Variants in ZDHHC16 observed in about 807,000 individuals in gnomAD.
The protein encoded by ZDHHC16 is zDHHC palmitoyltransferase 16.
Under a neutral mutation model 54.4 loss-of-function variants are expected in ZDHHC16, and 33 were observed. That is an observed-to-expected ratio of 0.61 (90% CI 0.46 to 0.81). ZDHHC16 has a LOEUF of 0.81. Ranked by LOEUF, ZDHHC16 falls within the 30% of genes least tolerant of loss-of-function variation. ZDHHC16 has a pLI of 0.00. For synonymous variants in ZDHHC16, 185 were observed against 182.1 expected, an observed-to-expected ratio of 1.02 and a Z score of -0.13; for missense variants, 420 against 485.9, an observed-to-expected ratio of 0.86 and a Z score of 1.28.
At position 97,452,468 on chromosome 10, in the gene ZDHHC16, G is replaced by A. The variant is rs199978864; in HGVS notation, c.492G>A (p.Lys164=). The A allele has an allele frequency of 3.8e-5, 62 of 1,614,074 alleles. No individual in the cohort carries two copies. The highest frequency in any genetic ancestry group is 5.0e-5 in the Non-Finnish European group (59 of 1,180,026). Residue 164 remains lysine (K), a synonymous_variant, in exon 5 of 12, where the codon AAG becomes AAA. Coordinates refer to ENST00000393760, the MANE Select transcript of ZDHHC16 (RefSeq NM_198046.3). Reference sequence around the variant, plus strand: ...TCTGTAAGAAGTGCATTTACCCCAAGCCAGCCCGAACACACCACTGCAGCA... The same window carrying A: ...TCTGTAAGAAGTGCATTTACCCCAAACCAGCCCGAACACACCACTGCAGCA... ...VSICKKCIYP[K]PARTHHCSIC...
chr10:97,452,260 C>T lies in ZDHHC16; in HGVS notation c.414C>T (p.Thr138=), dbSNP rs561909578. The change falls in exon 4 of 12, where the codon ACC becomes ACT. Residue 138 remains threonine, a synonymous_variant. Coordinates refer to ENST00000393760, the MANE Select transcript of ZDHHC16 (RefSeq NM_198046.3). ...TCTTCCACTACTACCAGGCCATCACCACTCCGCCTGGGTACCCACCCCAGG... is the reference window on the plus strand; with the variant it reads ...TCTTCCACTACTACCAGGCCATCACTACTCCGCCTGGGTACCCACCCCAGG... The part of the protein sequence containing the change: ...LIVFHYYQAI[T]TPPGYPPQGR... 6.9e-5 allele frequency: 112 copies of T among 1,614,156 alleles called. 1 individual carries two copies. In the South Asian group the frequency reaches 1.1e-3, roughly 16 times the overall value.
intron 1 of ZDHHC16, among the ~76,000 whole-genome samples, chr10:97,449,589 C>T (rs532461589): frequency 2.6e-5 from 4 of 152,230 alleles, no homozygotes; most frequent in Admixed American, 2.6e-4. Flanking sequence ...AGTGCACTGG[C>T]GCGATCTTGG....
intron 1 of ZDHHC16, among the ~76,000 whole-genome samples, chr10:97,449,786 T>C (rs781140401): frequency 6.6e-6 from 1 of 151,642 alleles, no homozygotes; most frequent in Non-Finnish European, 1.5e-5. Flanking sequence ...TGCCTCGGCT[T>C]CCCAAAGTGT....
Position 97,452,401 on chromosome 10 carries a change from C to G in ZDHHC16, c.439-14C>G, listed in dbSNP as rs367696427. Reference sequence around the variant, plus strand: ...AGAACTGGTGCTGCCACGTTATGCTCTCCCTTCACACAGGGCAGGAATGAT... The same window carrying G: ...AGAACTGGTGCTGCCACGTTATGCTGTCCCTTCACACAGGGCAGGAATGAT... On this transcript the variant is annotated splice_polypyrimidine_tract_variant and intron_variant, in intron 4 of 11. Transcript: ENST00000393760. The G allele has an allele frequency of 3.7e-6, 6 of 1,613,732 alleles. No homozygotes were observed. Among genetic ancestry groups the G allele is most frequent in the Middle Eastern group, 1.6e-4 (1 of 6,082 alleles).
At chr10:97,449,680 C>T (rs1846417862) in intron 1 of ZDHHC16, among the ~76,000 whole-genome samples, 1 of 152,052 alleles carries the variant, frequency 6.6e-6, no homozygotes, top group South Asian at 2.1e-4. Flanking sequence ...AGGCACGCGC[C>T]ACCATGCCCA....
At chr10:97,450,123 G>A (rs1020307510) in intron 1 of ZDHHC16, among the ~76,000 whole-genome samples, 1 of 151,464 alleles carries the variant, frequency 6.6e-6, no homozygotes, top group Admixed American at 6.6e-5. Flanking sequence ...CACCCGCCTC[G>A]GCCTCCCAAA....
chr10:97,447,520 GGGTGGTAGTAAA>G (rs1846196114), intron 1 of ZDHHC16, among the ~76,000 whole-genome samples: 1 of 152,182 alleles, frequency 6.6e-6, no homozygotes, highest in Admixed American at 6.5e-5. Context: ...CTTGTGCTTG[GGGTGGTAGTAAA>G]GCTGCGCTTT....
At position 97,446,184 on chromosome 10, in the gene ZDHHC16, G is replaced by T. The variant is rs757064434; in HGVS notation, c.-355G>T. The T allele has an allele frequency of 1.3e-6, 1 of 766,080 alleles. No individual in the cohort carries two copies. The highest frequency in any genetic ancestry group is 1.7e-5 in the South Asian group (1 of 57,592). 47.5% of individuals were successfully genotyped at this position (766,080 alleles called of 1,614,324 possible). A position where few individuals can be genotyped will look rare whatever the true frequency, so the allele number is the denominator to read the frequency against. On this transcript the variant is annotated 5_prime_UTR_variant, in exon 1 of 12. Coordinates refer to ENST00000393760, the MANE Select transcript of ZDHHC16 (RefSeq NM_198046.3). Reference sequence around the variant, plus strand: ...GCTGGCGCCTGCGCGTGTGGTTGAGGATGGGCTGGCGGCGGGTCCGGGTCC... The same window carrying T: ...GCTGGCGCCTGCGCGTGTGGTTGAGTATGGGCTGGCGGCGGGTCCGGGTCC...
chr10:97,456,813 C>G lies in ZDHHC16; in HGVS notation c.1056C>G (p.His352Gln), dbSNP rs1347197512. 1 of 1,613,886 alleles carries G rather than the reference C, an allele frequency of 6.2e-7. No individual in the cohort carries two copies. Among genetic ancestry groups the G allele is most frequent in the Admixed American group, 1.7e-5 (1 of 60,008 alleles). The change falls in exon 12 of 12, where the codon CAC becomes CAG. Residue 352 changes from histidine (H) to glutamine (Q), a missense_variant. Physicochemically the swap from His to Gln is conservative, Grantham distance 24 (BLOSUM62 0). Coordinates refer to ENST00000393760, the MANE Select transcript of ZDHHC16 (RefSeq NM_198046.3). The stretch of plus-strand genomic sequence containing the variant: ...CTCGGGTGCTCTTACCTTCTAGTCA[C>G]TTGCCCCATGGGAATGGAATGAGCT... ...WLTRVLLPSS[H>Q]LPHGNGMSWE... is the part of the protein sequence containing the mutation.
chr10:97,452,840 C>G, intron 5 of ZDHHC16, 55 bp from the exon 6 acceptor site: 5 of 1,612,926 alleles, frequency 3.1e-6, no homozygotes, highest in Non-Finnish European at 4.2e-6. Flanking sequence ...AGGATTGGCA[C>G]TGACATCTCA....
rs1236695432 is a variant in ZDHHC16 at position 97,456,807 on chromosome 10, T to C, written c.1050T>C (p.Ser350=). The C allele has an allele frequency of 6.2e-7, 1 of 1,613,730 alleles. No individual in the cohort carries two copies. The highest frequency in any genetic ancestry group is 8.5e-7 in the Non-Finnish European group (1 of 1,179,764). ...GGCTTACTCGGGTGCTCTTACCTTC[T>C]AGTCACTTGCCCCATGGGAATGGAA... ...RHWLTRVLLP[S]SHLPHGNGMS... is the part of the protein sequence containing the mutation. Residue 350 remains serine, a synonymous_variant, in exon 12 of 12, where the codon TCT becomes TCC. Transcript: ENST00000393760.
In ZDHHC16 at chr10:97,453,862, C is replaced by G. The variant is rs1846896804; in HGVS notation, c.738+16C>G. ...TGCCAACCAGGTGGGCTGTCCCCAC[C>G]CCACTGCCTCCTGCTGCTCAGGCCT... On this transcript the variant is annotated intron_variant, in intron 8 of 11. Coordinates refer to ENST00000393760, the MANE Select transcript of ZDHHC16 (RefSeq NM_198046.3). 6.2e-7 allele frequency: 1 copy of G among 1,614,106 alleles called. No homozygotes were observed. Among genetic ancestry groups the G allele is most frequent in the Non-Finnish European group, 8.5e-7 (1 of 1,180,050 alleles).
chr10:97,454,467 C>T (rs895651637), intron 8 of ZDHHC16, among the ~76,000 whole-genome samples: 1 of 152,196 alleles, frequency 6.6e-6, no homozygotes, highest in Non-Finnish European at 1.5e-5. Context: ...TGTCACTCTA[C>T]AGGCCCAGGG....
chr10:97,454,553 C>G (rs1209029353), intron 8 of ZDHHC16, among the ~76,000 whole-genome samples, 161 bp from the exon 9 acceptor site: 2 of 152,222 alleles, frequency 1.3e-5, no homozygotes, highest in Non-Finnish European at 2.9e-5. Context: ...GGTGATGCCG[C>G]TGGGCTTGGT....
Position 97,454,771 on chromosome 10 carries a change from A to T in ZDHHC16, c.796A>T (p.Ser266Cys). Residue 266 changes from serine (S) to cysteine (C), a missense_variant, in exon 9 of 12, where the codon AGT becomes TGT. Ser to Cys is a moderately radical substitution (Grantham distance 112, BLOSUM62 -1). Coordinates refer to ENST00000393760, the MANE Select transcript of ZDHHC16 (RefSeq NM_198046.3). Reference sequence around the variant, plus strand: ...CTTTCGAGAAAGGATGACTCACAAGAGTCTTGTCTACCTCTGGTTCCTGTG... The same window carrying T: ...CTTTCGAGAAAGGATGACTCACAAGTGTCTTGTCTACCTCTGGTTCCTGTG... ...FSFRERMTHKSLVYLWFLCSS... is the reference protein window; with the variant it reads ...FSFRERMTHKCLVYLWFLCSS... The T allele has an allele frequency of 6.2e-7, 1 of 1,614,052 alleles. No homozygotes were observed. Among genetic ancestry groups the T allele is most frequent in the Non-Finnish European group, 8.5e-7 (1 of 1,180,002 alleles).
At position 97,451,690 on chromosome 10, in the gene ZDHHC16, G is replaced by A; in HGVS notation, c.15G>A (p.Arg5=). The stretch of plus-strand genomic sequence containing the variant: ...TCGTAGGAACCATGCGAGGCCAGCG[G>A]AGCCTGCTGCTGGGCCCGGCCCGCC... MRGQ[R]SLLLGPARLC... The change falls in exon 3 of 12, where the codon CGG becomes CGA. Residue 5 remains arginine, a synonymous_variant. Coordinates refer to ENST00000393760, the MANE Select transcript of ZDHHC16 (RefSeq NM_198046.3). The A allele has an allele frequency of 6.2e-7, 1 of 1,611,154 alleles. No individual in the cohort carries two copies. The highest frequency in any genetic ancestry group is 8.5e-7 in the Non-Finnish European group (1 of 1,179,524).
At position 97,452,453 on chromosome 10, in the gene ZDHHC16, G is replaced by C; in HGVS notation, c.477G>C (p.Lys159Asn). The C allele has an allele frequency of 6.2e-7, 1 of 1,614,210 alleles. No individual in the cohort carries two copies. Among genetic ancestry groups the C allele is most frequent in the South Asian group, 1.1e-5 (1 of 91,088 alleles). Residue 159 changes from lysine (K) to asparagine (N), a missense_variant, in exon 5 of 12, where the codon AAG (lysine) becomes AAC (asparagine). Transcript: ENST00000393760. ...TCGCCACCGTCTCCATCTGTAAGAA[G>C]TGCATTTACCCCAAGCCAGCCCGAA... ...NDIATVSICK[K>N]CIYPKPARTH...
rs1260899653 is a variant in ZDHHC16, at chr10:97,452,940, T to A, written c.556+17T>A. 10 of 1,614,198 alleles carry A rather than the reference T, an allele frequency of 6.2e-6. No individual in the cohort carries two copies. The highest frequency in any genetic ancestry group is 8.5e-6 in the Non-Finnish European group (10 of 1,180,040). The stretch of plus-strand genomic sequence containing the variant: ...ACCACTGCCGTATCCTTTTGCTTTC[T>A]CTTCTGCCTGAGGCCTTCTTTAGCT... On this transcript the variant is annotated intron_variant, in intron 6 of 11. Transcript: ENST00000393760.
At chr10:97,455,346 A>T (rs563273051) in intron 9 of ZDHHC16, among the ~76,000 whole-genome samples, 3 of 152,170 alleles carry the variant, frequency 2.0e-5, no homozygotes, top group African/African-American at 7.2e-5. Context: ...AACAACAGAG[A>T]TGGAGTCTTG....
Sources: allele counts gnomAD v4.1 joint callset (sites outside exome capture counted in the v4.1 genomes callset), GRCh38; gene constraint gnomAD v4.1.1; transcripts MANE v1.5; gene names NCBI Gene and HGNC (gene_info 2026-07-23, HGNC 2026-07-21).